Variants in LARS2 observed in about 807,000 individuals in gnomAD.
LARS2 encodes leucyl-tRNA synthetase 2, mitochondrial, also known as leucine--tRNA ligase, mitochondrial.
A neutral mutation model predicts 116.6 loss-of-function variants in LARS2; 81 were observed. The ratio of observed to expected loss-of-function variants is 0.69; its 90% CI spans 0.58 to 0.84. The LOEUF (loss-of-function observed/expected upper bound fraction) is 0.84, where lower values mean the gene tolerates loss of function less well. LARS2 is among the 40% of genes least tolerant of loss of function. LARS2 has a pLI of 0.00. For missense variants in LARS2, 968 were observed against 1,114.5 expected (o/e 0.87, Z 1.87); for synonymous variants, 396 against 407.2 (o/e 0.97, Z 0.33).
chr3:45,492,384 T>C (rs1432929949), intron 13 of LARS2, among the ~76,000 whole-genome samples: 1 of 152,262 alleles, frequency 6.6e-6, no homozygotes, highest in African/African-American at 2.4e-5. Flanking sequence ...AATGATGCTG[T>C]CCATATCAGC....
chr3:45,493,503 G>A (rs374672561), intron 13 of LARS2, among the ~76,000 whole-genome samples: 15 of 152,164 alleles, frequency 9.9e-5, no homozygotes, highest in Admixed American at 1.3e-4. Context: ...CCCACCAGAT[G>A]TGGATTCCTT....
intron 6 of LARS2, among the ~76,000 whole-genome samples, chr3:45,428,368 C>T (rs144993718): frequency 0.023 from 3,513 of 151,650 alleles, 60 homozygotes; most frequent in Non-Finnish European, 0.038. Flanking sequence ...CTCAGCCGCC[C>T]GAGTAGCTGG....
intron 15 of LARS2, 73 bp from the exon 16 acceptor site, chr3:45,513,061 AG>A: frequency 1.0e-6 from 1 of 971,298 alleles, no homozygotes; most frequent in South Asian, 1.3e-5. Context: ...ATCCGAGGGA[AG>A]GTCTGCGTTG....
chr3:45,446,908 G>T lies in LARS2; in HGVS notation c.534G>T (p.Leu178Phe), dbSNP rs778270773. ...FSWDREITTCLPDYYKWTQYL... is the reference protein window; with the variant it reads ...FSWDREITTCFPDYYKWTQYL... ...GTTGGCAGGAAATAACTACGTGTTTGCCAGATTACTACAAGTGGACTCAGT... is the reference window on the plus strand; with the variant it reads ...GTTGGCAGGAAATAACTACGTGTTTTCCAGATTACTACAAGTGGACTCAGT... The change falls in exon 7 of 22, where the codon TTG (leucine) becomes TTT (phenylalanine). Residue 178 changes from leucine (L) to phenylalanine (F), a missense_variant. By Grantham distance (22) the Leu-to-Phe change is conservative. Coordinates refer to ENST00000645846, the MANE Select transcript of LARS2 (RefSeq NM_015340.4). The T allele has an allele frequency of 1.9e-6, 3 of 1,609,142 alleles. No individual in the cohort carries two copies. In the South Asian group the frequency reaches 3.3e-5, roughly 18 times the overall value.
At chr3:45,450,840 C>G (rs1397781123) in intron 7 of LARS2, among the ~76,000 whole-genome samples, 1 of 152,168 alleles carries the variant, frequency 6.6e-6, no homozygotes, top group African/African-American at 2.4e-5. Flanking sequence ...TCTCCATATT[C>G]TCACCAGCAT....
At chr3:45,501,411 A>T (rs141460894) in intron 15 of LARS2, among the ~76,000 whole-genome samples, 1 of 152,018 alleles carries the variant, frequency 6.6e-6, no homozygotes, top group African/African-American at 2.4e-5. Flanking sequence ...TGAACTTTAC[A>T]TAGGTAGAAT....
At chr3:45,520,892 T>C (rs1700442397) in intron 19 of LARS2, among the ~76,000 whole-genome samples, 1 of 152,180 alleles carries the variant, frequency 6.6e-6, no homozygotes, top group Admixed American at 6.5e-5. Context: ...CTCCAAGCTT[T>C]TAAGATCAGT....
intron 6 of LARS2, among the ~76,000 whole-genome samples, chr3:45,422,835 A>G (rs1056562740): frequency 2.0e-5 from 3 of 152,190 alleles, no homozygotes; most frequent in African/African-American, 7.2e-5. Flanking sequence ...TACATCATTT[A>G]TAGATACAAT....
At chr3:45,465,479 C>T (rs186073210) in intron 8 of LARS2, among the ~76,000 whole-genome samples, 284 of 152,268 alleles carry the variant, frequency 1.9e-3, no homozygotes, top group Middle Eastern at 3.4e-3. Flanking sequence ...GCACAGAGGC[C>T]ACAGAAAAGT....
chr3:45,457,292 G>A (rs1274427313), intron 7 of LARS2, among the ~76,000 whole-genome samples: 2 of 152,338 alleles, frequency 1.3e-5, no homozygotes, highest in African/African-American at 4.8e-5. Flanking sequence ...AGGTCGCAGA[G>A]GTCAACTTCT....
intron 8 of LARS2, among the ~76,000 whole-genome samples, chr3:45,464,288 A>T (rs1324772832): frequency 5.3e-5 from 8 of 152,186 alleles, no homozygotes; most frequent in African/African-American, 1.7e-4. Context: ...TAGAGCGAAG[A>T]GACAGCCTCA....
At chr3:45,501,586 A>G (rs1167040964) in intron 15 of LARS2, among the ~76,000 whole-genome samples, 2 of 152,202 alleles carry the variant, frequency 1.3e-5, no homozygotes, top group Non-Finnish European at 2.9e-5. Flanking sequence ...TCATACCACC[A>G]TTAATGGTGG....
chr3:45,436,036 G>A (rs1265137003), intron 6 of LARS2, among the ~76,000 whole-genome samples: 1 of 152,052 alleles, frequency 6.6e-6, no homozygotes. Context: ...TCCAAGTTTA[G>A]AGTTTTATTT....
rs1700895236 is a variant in LARS2 at position 45,547,644 on chromosome 3, G to A, written c.*114G>A. On this transcript the variant is annotated 3_prime_UTR_variant, in exon 22 of 22. Transcript: ENST00000645846. ...AAGGGAAAAGACAAATGTCTTGACT[G>A]TTGACCTCGGTCCTGTGGCAGACTG... The A allele has an allele frequency of 2.1e-6, 2 of 964,598 alleles. No homozygotes were observed. Among genetic ancestry groups the A allele is most frequent in the Admixed American group, 5.0e-5 (2 of 40,012 alleles). 59.8% of individuals were successfully genotyped at this position (964,598 alleles called of 1,614,324 possible).
intron 19 of LARS2, among the ~76,000 whole-genome samples, chr3:45,521,393 T>C (rs1700453597): frequency 6.6e-6 from 1 of 152,168 alleles, no homozygotes; most frequent in Non-Finnish European, 1.5e-5. Context: ...GGCGAGAGGA[T>C]CGCTTGAACC....
At chr3:45,542,060 T>C in intron 21 of LARS2, 104 bp downstream of exon 21, 2 of 1,423,776 alleles carry the variant, frequency 1.4e-6, no homozygotes, top group Non-Finnish European at 1.9e-6. Context: ...CCTTTCTAGC[T>C]CACTCAGCTC....
intron 20 of LARS2, among the ~76,000 whole-genome samples, chr3:45,524,976 G>A (rs1700512445): frequency 6.6e-6 from 1 of 152,174 alleles, no homozygotes; most frequent in Non-Finnish European, 1.5e-5. Context: ...ATTACAGTAG[G>A]ATTTATAGTT....
intron 15 of LARS2, among the ~76,000 whole-genome samples, chr3:45,504,055 A>G (rs1218602745): frequency 6.6e-6 from 1 of 152,098 alleles, no homozygotes. Flanking sequence ...TGGTCTTTCC[A>G]TATCAGCACA....
intron 7 of LARS2, among the ~76,000 whole-genome samples, chr3:45,455,432 T>G (rs751541006): frequency 6.6e-6 from 1 of 152,032 alleles, no homozygotes; most frequent in African/African-American, 2.4e-5. Context: ...TTGTCTGGAG[T>G]GGGGAGATGC....
Sources: allele counts gnomAD v4.1 joint callset (sites outside exome capture counted in the v4.1 genomes callset), GRCh38; gene constraint gnomAD v4.1.1; transcripts MANE v1.5; gene names NCBI Gene and HGNC (gene_info 2026-07-23, HGNC 2026-07-21).